ZCCHC7: variants seen among roughly 807,000 people sequenced by gnomAD.
ZCCHC7 encodes zinc finger CCHC-type containing 7, also known as zinc finger CCHC domain-containing protein 7.
ZCCHC7 carries 35 observed loss-of-function variants against 52.0 expected under a neutral mutation model. That is an observed-to-expected ratio of 0.67 (90% CI 0.51 to 0.89). ZCCHC7 has a LOEUF of 0.89. Ranked by LOEUF, ZCCHC7 falls within the 40% of genes least tolerant of loss-of-function variation. The probability of loss-of-function intolerance (pLI) is 0.00; values close to 1 mark genes in which losing one functional copy is unlikely to be tolerated. For missense variants in ZCCHC7, 574 were observed against 649.1 expected, an observed-to-expected ratio of 0.88 and a Z score of 1.26; for synonymous variants, 217 against 221.5, an observed-to-expected ratio of 0.98 and a Z score of 0.18.
At chr9:37,167,721 G>A (rs1417911299) in intron 2 of ZCCHC7, among the ~76,000 whole-genome samples, 1 of 152,068 alleles carries the variant, frequency 6.6e-6, no homozygotes, top group Non-Finnish European at 1.5e-5. Flanking sequence ...TAATCCTTTT[G>A]GGCCTTGCGT....
At chr9:37,299,667 A>G (rs1162790768) in intron 2 of ZCCHC7, among the ~76,000 whole-genome samples, 18 of 152,352 alleles carry the variant, frequency 1.2e-4, no homozygotes, top group Admixed American at 7.8e-4. Flanking sequence ...GTTCAAATCA[A>G]AACTGGAACC....
intron 2 of ZCCHC7, among the ~76,000 whole-genome samples, chr9:37,184,230 A>G (rs1822524973): frequency 6.6e-6 from 1 of 152,174 alleles, no homozygotes; most frequent in Non-Finnish European, 1.5e-5. Flanking sequence ...GCAACGTAAT[A>G]TGTGTATGTT....
At chr9:37,234,985 G>C (rs1825575695) in intron 2 of ZCCHC7, among the ~76,000 whole-genome samples, 1 of 151,862 alleles carries the variant, frequency 6.6e-6, no homozygotes, top group Non-Finnish European at 1.5e-5. Context: ...TCATATTTGT[G>C]GGGTACAGTA....
At chr9:37,281,365 T>C (rs1301911884) in intron 2 of ZCCHC7, among the ~76,000 whole-genome samples, 1 of 152,198 alleles carries the variant, frequency 6.6e-6, no homozygotes, top group Admixed American at 6.5e-5. Flanking sequence ...ATAGAAGAGA[T>C]TGTGACATAG....
chr9:37,216,467 G>T (rs1824510989), intron 2 of ZCCHC7, among the ~76,000 whole-genome samples: 1 of 152,136 alleles, frequency 6.6e-6, no homozygotes, highest in Non-Finnish European at 1.5e-5. Flanking sequence ...TTGAGGTCAG[G>T]TGATCGAGAC....
At chr9:37,330,764 A>C (rs955912420) in intron 6 of ZCCHC7, among the ~76,000 whole-genome samples, 1 of 151,438 alleles carries the variant, frequency 6.6e-6, no homozygotes, top group Non-Finnish European at 1.5e-5. Context: ...TCTAGATAAA[A>C]ATTTCCCCCT....
intron 2 of ZCCHC7, among the ~76,000 whole-genome samples, chr9:37,233,552 CT>C (rs1825504174): frequency 6.6e-6 from 1 of 152,158 alleles, no homozygotes. Context: ...AGGTTATGTT[CT>C]CTTTAAGAAC....
intron 2 of ZCCHC7, among the ~76,000 whole-genome samples, chr9:37,161,908 G>A (rs958047531): frequency 6.6e-6 from 1 of 152,206 alleles, no homozygotes; most frequent in African/African-American, 2.4e-5. Flanking sequence ...AGGTAGAGAC[G>A]GCCAGATTAC....
chr9:37,278,066 G>GTTTTGTTTTGTTTTGT (rs773499438), intron 2 of ZCCHC7, among the ~76,000 whole-genome samples: 1 of 149,762 alleles, frequency 6.7e-6, no homozygotes, highest in Non-Finnish European at 1.5e-5. Context: ...GTTTTGTTTT[G>GTTTTGTTTTGTTTTGT]AGGCAGGAGT....
rs145181849 is a variant in ZCCHC7 at position 37,303,964 on chromosome 9, C to G, written c.655-224C>G. Among the ~76,000 whole-genome samples the G allele has an allele frequency of 5.4e-4, 82 of 152,240 alleles. 3 individuals are homozygous for G. Among genetic ancestry groups the G allele is most frequent in the Admixed American group, 4.4e-3 (68 of 15,286 alleles). On this transcript the variant is annotated intron_variant, in intron 3 of 8. Transcript: ENST00000336755. The stretch of plus-strand genomic sequence containing the variant: ...AGGCATGAGCCACCACGCCCAACCT[C>G]TACCTCTTTTTAAGAGAACAAGAGA...
At chr9:37,209,406 G>A (rs1040182685) in intron 2 of ZCCHC7, among the ~76,000 whole-genome samples, 4 of 151,920 alleles carry the variant, frequency 2.6e-5, no homozygotes, top group Non-Finnish European at 5.9e-5. Context: ...GCCCTCTGTT[G>A]TGTATGCTTT....
chr9:37,255,610 C>A (rs148396993), intron 2 of ZCCHC7, among the ~76,000 whole-genome samples: 41 of 152,158 alleles, frequency 2.7e-4, no homozygotes, highest in African/African-American at 9.9e-4. Flanking sequence ...TAATGGAAGG[C>A]TACTGTATTT....
chr9:37,148,664 A>T (rs574401715), intron 2 of ZCCHC7, among the ~76,000 whole-genome samples: 1 of 152,316 alleles, frequency 6.6e-6, no homozygotes, highest in South Asian at 2.1e-4. Context: ...CAGTTTCTTA[A>T]GTCAGTGTTT....
chr9:37,262,109 A>G (rs1826893308), intron 2 of ZCCHC7, among the ~76,000 whole-genome samples: 1 of 152,080 alleles, frequency 6.6e-6, no homozygotes, highest in African/African-American at 2.4e-5. Flanking sequence ...AGCAATCTGT[A>G]TGTTTTTGCT....
chr9:37,271,041 G>T (rs1827385620), intron 2 of ZCCHC7, among the ~76,000 whole-genome samples: 1 of 152,122 alleles, frequency 6.6e-6, no homozygotes, highest in African/African-American at 2.4e-5. Flanking sequence ...AATGAAAAAG[G>T]AATAGTTTGA....
intron 2 of ZCCHC7, among the ~76,000 whole-genome samples, chr9:37,157,406 C>T (rs1170971609): frequency 6.6e-6 from 1 of 151,992 alleles, no homozygotes; most frequent in African/African-American, 2.4e-5. Context: ...CAGGCAGATT[C>T]CCTTGAGCCC....
chr9:37,186,406 C>G (rs910579131), intron 2 of ZCCHC7, among the ~76,000 whole-genome samples: 22 of 152,088 alleles, frequency 1.4e-4, no homozygotes, highest in African/African-American at 5.1e-4. Context: ...AAACTTTTAT[C>G]CAAAGTAACA....
At chr9:37,210,446 T>G (rs1824156700) in intron 2 of ZCCHC7, among the ~76,000 whole-genome samples, 1 of 152,200 alleles carries the variant, frequency 6.6e-6, no homozygotes, top group African/African-American at 2.4e-5. Flanking sequence ...CTATCTTATA[T>G]TACTGATCTT....
chr9:37,183,952 A>G (rs921382772), intron 2 of ZCCHC7, among the ~76,000 whole-genome samples: 2 of 152,184 alleles, frequency 1.3e-5, no homozygotes, highest in African/African-American at 4.8e-5. Context: ...ATTCAAGCAT[A>G]GCTCCTTCTA....
Sources: gnomAD v4.1 joint callset for allele counts (sites outside exome capture counted in the v4.1 genomes callset) on GRCh38, gnomAD v4.1.1 for gene constraint, MANE v1.5 for transcripts, NCBI Gene and HGNC (gene_info 2026-07-23, HGNC 2026-07-21) for gene names.